The following RPA2 variants were observed in gnomAD, a reference collection of about 807,000 sequenced individuals.
RPA2 encodes the protein replication protein A2.
In RPA2, 22 loss-of-function variants were observed where a neutral mutation model predicts 33.4. The observed-to-expected ratio is 0.66, with a 90% CI of 0.47 to 0.94. The LOEUF (loss-of-function observed/expected upper bound fraction) is 0.94, where lower values mean the gene tolerates loss of function less well. RPA2 is among the 40% of genes least tolerant of loss of function. The pLI is 0.00. For missense variants in RPA2, 279 were observed against 329.9 expected (o/e 0.85, Z 1.19); for synonymous variants, 109 against 114.9 (o/e 0.95, Z 0.33).
chr1:27,893,455 G>A (rs376136646), intron 8 of RPA2, among the ~76,000 whole-genome samples: 1 of 152,078 alleles, frequency 6.6e-6, no homozygotes, highest in Middle Eastern at 3.4e-3. Context: ...ACAGACATGC[G>A]CCACTGTGCC....
At chr1:27,895,105 C>A (rs1482528807) in intron 6 of RPA2, among the ~76,000 whole-genome samples, 1 of 152,150 alleles carries the variant, frequency 6.6e-6, no homozygotes, top group Non-Finnish European at 1.5e-5. Flanking sequence ...TCAAACTGAA[C>A]CTTCTCAGTA....
At chr1:27,894,446 C>A in intron 6 of RPA2, 49 bp from the exon 7 acceptor site, 1 of 1,497,278 alleles carries the variant, frequency 6.7e-7, no homozygotes, top group Non-Finnish European at 9.2e-7. Flanking sequence ...TCAAGTTAAA[C>A]AGTCTTTACT....
intron 4 of RPA2, among the ~76,000 whole-genome samples, chr1:27,902,736 G>C (rs2089982770): frequency 6.6e-6 from 1 of 151,732 alleles, no homozygotes; most frequent in Non-Finnish European, 1.5e-5. Flanking sequence ...TTAAACCCAG[G>C]AGTTTGAGAC....
chr1:27,902,981 A>G (rs184852697), intron 4 of RPA2, among the ~76,000 whole-genome samples: 29 of 152,244 alleles, frequency 1.9e-4, no homozygotes, highest in Admixed American at 3.9e-4. Flanking sequence ...CCCAGGCTGA[A>G]TGCAATGGCA....
intron 5 of RPA2, 88 bp downstream of exon 5, chr1:27,897,545 A>C: frequency 1.2e-6 from 1 of 840,064 alleles, no homozygotes. Flanking sequence ...GGGAGACTTA[A>C]GTATTTTAAC....
intron 8 of RPA2, among the ~76,000 whole-genome samples, chr1:27,892,638 C>T (rs573836935): frequency 1.3e-5 from 2 of 152,294 alleles, no homozygotes; most frequent in East Asian, 1.9e-4. Context: ...ACTGAAACCC[C>T]GTTGGTCCCT....
At chr1:27,897,946 A>G (rs1333279481) in intron 4 of RPA2, among the ~76,000 whole-genome samples, 6 of 152,378 alleles carry the variant, frequency 3.9e-5, no homozygotes, top group Middle Eastern at 6.8e-3. Flanking sequence ...ATCATAAAAA[A>G]GCAAACAATT....
intron 5 of RPA2, 22 bp from the exon 6 acceptor site, chr1:27,897,143 A>G: frequency 6.6e-7 from 1 of 1,524,734 alleles, no homozygotes; most frequent in Non-Finnish European, 9.1e-7. Context: ...AAGGAAAAAA[A>G]TGTGAATAAA....
chr1:27,895,455 G>A (rs922636203), intron 6 of RPA2, among the ~76,000 whole-genome samples: 2 of 151,692 alleles, frequency 1.3e-5, no homozygotes, highest in Non-Finnish European at 1.5e-5. Context: ...GCTCATGCCT[G>A]TAATCCCAGC....
chr1:27,899,487 G>A (rs115905357), intron 4 of RPA2, among the ~76,000 whole-genome samples: 1,809 of 126,860 alleles, frequency 0.014, 19 homozygotes, highest in Middle Eastern at 0.018. Flanking sequence ...GGGCAACAGA[G>A]CAGGACTCTA....
intron 3 of RPA2, 32 bp from the exon 4 acceptor site, chr1:27,907,073 A>T (rs1474051542): frequency 6.5e-6 from 10 of 1,539,616 alleles, no homozygotes; most frequent in Non-Finnish European, 8.0e-6. Context: ...AAAAAAAAAA[A>T]GGTCTGGTTC....
chr1:27,910,857 A>C (rs1173162160), intron 2 of RPA2, among the ~76,000 whole-genome samples: 1 of 152,146 alleles, frequency 6.6e-6, no homozygotes, highest in Non-Finnish European at 1.5e-5. Context: ...AGACGGTCTC[A>C]ATTTTAAAAG....
At chr1:27,913,029 T>C (rs1464494016) in intron 2 of RPA2, among the ~76,000 whole-genome samples, 1 of 152,218 alleles carries the variant, frequency 6.6e-6, no homozygotes, top group South Asian at 2.1e-4. Flanking sequence ...CTTGGCTCAC[T>C]GCAATCTCTG....
chr1:27,896,702 C>A (rs1251987751), intron 6 of RPA2, among the ~76,000 whole-genome samples: 1 of 152,124 alleles, frequency 6.6e-6, no homozygotes, highest in African/African-American at 2.4e-5. Flanking sequence ...CACTGACAAT[C>A]CTGGAGCTAA....
intron 3 of RPA2, 47 bp from the exon 4 acceptor site, chr1:27,907,088 T>G: frequency 6.4e-7 from 1 of 1,570,456 alleles, no homozygotes; most frequent in Non-Finnish European, 8.7e-7. Context: ...TGGTTCCCCC[T>G]GAAACCAAGG....
intron 4 of RPA2, among the ~76,000 whole-genome samples, chr1:27,904,702 C>A (rs1351691799): frequency 6.6e-6 from 1 of 151,562 alleles, no homozygotes; most frequent in South Asian, 2.1e-4. Context: ...CAGAGCAGTG[C>A]GCAATCTGCT....
chr1:27,904,805 A>G (rs753495634), intron 4 of RPA2, among the ~76,000 whole-genome samples: 5 of 151,948 alleles, frequency 3.3e-5, no homozygotes, highest in Non-Finnish European at 7.4e-5. Flanking sequence ...CTGGGATTAC[A>G]GGCACCCAGC....
At chr1:27,914,264 G>T (rs55666139) in intron 1 of RPA2, 95 bp from the exon 2 acceptor site, 1 of 1,595,998 alleles carries the variant, frequency 6.3e-7, no homozygotes, top group East Asian at 2.3e-5. Flanking sequence ...AACACTGCCC[G>T]AGTCTCCCTA....
At chr1:27,896,900 T>A in intron 6 of RPA2, 105 bp downstream of exon 6, 1 of 739,380 alleles carries the variant, frequency 1.4e-6, no homozygotes, top group East Asian at 2.6e-5. Flanking sequence ...GTGATGTCTT[T>A]CTCTGGCTCG....
Sources: allele counts gnomAD v4.1 joint callset (sites outside exome capture counted in the v4.1 genomes callset), GRCh38; gene constraint gnomAD v4.1.1; transcripts MANE v1.5; gene names NCBI Gene and HGNC (gene_info 2026-07-23, HGNC 2026-07-21).